The following MTHFD1 variants were observed in gnomAD, a reference collection of about 807,000 sequenced individuals.
MTHFD1 encodes C-1-tetrahydrofolate synthase, cytoplasmic.
In MTHFD1, 44 loss-of-function variants were observed where a neutral mutation model predicts 110.3. The ratio of observed to expected loss-of-function variants is 0.40; its 90% CI spans 0.31 to 0.51. The LOEUF (loss-of-function observed/expected upper bound fraction) is 0.51, where lower values mean the gene tolerates loss of function less well. Among genes scored for constraint, MTHFD1 ranks in the 20% least tolerant of loss-of-function variants. MTHFD1 has a pLI of 0.60. For synonymous variants in MTHFD1, 402 were observed against 428.8 expected (o/e 0.94, Z 0.77); for missense variants, 909 against 1,173.1 (o/e 0.77, Z 3.29).
At chr14:64,395,794 C>T (rs905952715) in intron 1 of MTHFD1, among the ~76,000 whole-genome samples, 2 of 152,150 alleles carry the variant, frequency 1.3e-5, no homozygotes, top group Non-Finnish European at 2.9e-5. Flanking sequence ...AAAGGATGAT[C>T]TGGTCCAAAT....
At chr14:64,390,021 C>T (rs1206792204) in intron 1 of MTHFD1, among the ~76,000 whole-genome samples, 1 of 152,198 alleles carries the variant, frequency 6.6e-6, no homozygotes, top group East Asian at 1.9e-4. Flanking sequence ...TTTATCAACT[C>T]CATAAGGGCA....
Position 64,415,956 on chromosome 14 carries a change from T to A in MTHFD1, c.478+217T>A, listed in dbSNP as rs2078022679. On this transcript the variant is annotated intron_variant, in intron 6 of 27. Coordinates refer to ENST00000652337, the MANE Select transcript of MTHFD1 (RefSeq NM_005956.4). The stretch of plus-strand genomic sequence containing the variant: ...TTGTTCAACTGCTAAGAAAATAGGC[T>A]CAGGCCAGGCACAGCGGCTCATGCC... Among the ~76,000 whole-genome samples, 3 of 152,104 alleles carry A rather than the reference T, an allele frequency of 2.0e-5. No homozygotes were observed. The South Asian group carries it at 6.2e-4, about 32-fold the overall frequency.
intron 15 of MTHFD1, 56 bp from the exon 16 acceptor site, chr14:64,435,513 C>A (rs548366933): frequency 1.6e-6 from 2 of 1,223,306 alleles, no homozygotes; most frequent in East Asian, 2.3e-5. Flanking sequence ...TTTTGTCTTA[C>A]GTTTATTGTG....
chr14:64,418,173 G>T (rs903360026), intron 7 of MTHFD1, 149 bp downstream of exon 7: 3 of 1,033,958 alleles, frequency 2.9e-6, no homozygotes, highest in East Asian at 2.6e-5. Context: ...AAGGCTGAGT[G>T]GGGTGGCTGA....
chr14:64,396,982 G>C (rs1760277854), intron 1 of MTHFD1, among the ~76,000 whole-genome samples: 1 of 144,854 alleles, frequency 6.9e-6, no homozygotes, highest in African/African-American at 2.5e-5. Flanking sequence ...GCGGGCGCCT[G>C]TAGTCCCAGC....
At chr14:64,400,646 C>T in intron 1 of MTHFD1, 147 bp from the exon 2 acceptor site, 1 of 667,922 alleles carries the variant, frequency 1.5e-6, no homozygotes. Flanking sequence ...TTTGATTGTG[C>T]CACTGTACTC....
At position 64,417,121 on chromosome 14, in the gene MTHFD1, G is replaced by A. The variant is rs116880427; in HGVS notation, c.479-767G>A. ...TCTTCTTTGTGGACAGCTCATTTTCGGGCTCCACTTTGTGGCCACAAACAC... is the reference window on the plus strand; with the variant it reads ...TCTTCTTTGTGGACAGCTCATTTTCAGGCTCCACTTTGTGGCCACAAACAC... On this transcript the variant is annotated intron_variant, in intron 6 of 27. Coordinates refer to ENST00000652337, the MANE Select transcript of MTHFD1 (RefSeq NM_005956.4). The surrounding 1 kb of genome is among the most constrained non-coding windows in gnomAD (Gnocchi z 4.4). 1.7e-3 allele frequency among the ~76,000 whole-genome samples: 253 copies of A among 152,120 alleles called. 12 individuals carry two copies. In the East Asian group the frequency reaches 0.034, roughly 20 times the overall value.
Position 64,417,907 on chromosome 14 carries a change from G to C in MTHFD1, c.498G>C (p.Arg166Ser). Residue 166 changes from arginine to serine, a missense_variant, in exon 7 of 28, where the codon AGG becomes AGC. Transcript: ENST00000652337. This position sits in a 1 kb window ranked among gnomAD's most constrained non-coding sequence, Gnocchi z 4.4. ...IKETGVPIAG[R>S]HAVVVGRSKI... Reference sequence around the variant, plus strand: ...TTTCAGGGGTGCCGATTGCCGGAAGGCATGCTGTGGTGGTTGGGCGCAGTA... The same window carrying C: ...TTTCAGGGGTGCCGATTGCCGGAAGCCATGCTGTGGTGGTTGGGCGCAGTA... The C allele has an allele frequency of 6.2e-7, 1 of 1,612,962 alleles. No individual in the cohort carries two copies. Among genetic ancestry groups the C allele is most frequent in the African/African-American group, 1.3e-5 (1 of 74,980 alleles).
Position 64,415,473 on chromosome 14 carries a change from C to T in MTHFD1, c.356C>T (p.Ala119Val). 6.2e-7 allele frequency: 1 copy of T among 1,614,146 alleles called. No individual in the cohort carries two copies. Among genetic ancestry groups the T allele is most frequent in the Non-Finnish European group, 8.5e-7 (1 of 1,179,992 alleles). The stretch of plus-strand genomic sequence containing the variant: ...ACTGAAGAAGTGATCAATGCTATTG[C>T]ACCCGAGAAGGATGTGGATGGGTAA... ...INTEEVINAI[A>V]PEKDVDGLTS... Residue 119 changes from alanine to valine, a missense_variant, in exon 5 of 28, where the codon GCA becomes GTA. By Grantham distance (64) the Ala-to-Val change is moderately conservative. Around this residue, in one of 3 missense-constraint regions of MTHFD1, gnomAD observed 424 missense variants for 510.4 expected, o/e 0.83. Transcript: ENST00000652337.
intron 8 of MTHFD1, among the ~76,000 whole-genome samples, chr14:64,421,773 G>A (rs1002706451): frequency 1.2e-4 from 19 of 152,068 alleles, no homozygotes; most frequent in South Asian, 2.1e-4. Context: ...ACAGGCGCCC[G>A]CCACCACGCC....
At chr14:64,416,748 T>G (rs894454389) in intron 6 of MTHFD1, among the ~76,000 whole-genome samples, 1 of 152,176 alleles carries the variant, frequency 6.6e-6, no homozygotes, top group Non-Finnish European at 1.5e-5. Flanking sequence ...CTTCAGCATA[T>G]TTAGCAAACA....
Position 64,454,808 on chromosome 14 carries a change from T to G in MTHFD1, c.2651T>G (p.Phe884Cys). 2 of 1,614,214 alleles carry G rather than the reference T, an allele frequency of 1.2e-6. No homozygotes were observed. The highest frequency in any genetic ancestry group is 1.7e-6 in the Non-Finnish European group (2 of 1,180,024). Residue 884 changes from phenylalanine (F) to cysteine (C), a missense_variant, in exon 26 of 28, where the codon TTC becomes TGC. Phe to Cys is a radical substitution (Grantham distance 205). This residue lies in a region of MTHFD1 where 482 missense variants were observed against 646.0 expected (regional missense o/e 0.75). Coordinates refer to ENST00000652337, the MANE Select transcript of MTHFD1 (RefSeq NM_005956.4). ...NPEQKGVPTG[F>C]ILPIRDIRAS... The stretch of plus-strand genomic sequence containing the variant: ...GAGCAAAAAGGTGTCCCTACAGGCT[T>G]CATTCTGCCCATTCGCGACATCCGC...
At chr14:64,441,696 C>T (rs1218616434) in intron 19 of MTHFD1, 5 of 555,106 alleles carry the variant, frequency 9.0e-6, no homozygotes, top group Admixed American at 5.6e-5. Context: ...GTCCCAGCTG[C>T]TCGGAAGGTT....
rs1189095379 is a variant in MTHFD1 at position 64,397,104 on chromosome 14, CAAAAAAAAAAAAAAAAAA to C, written c.42-3671_42-3654del. Among the ~76,000 whole-genome samples, 52 of 7,128 alleles carry C rather than the reference CAAAAAAAAAAAAAAAAAA, an allele frequency of 7.3e-3. 4 individuals are homozygous for C. The highest frequency in any genetic ancestry group is 0.05 in the South Asian group (2 of 40). 4.7% of individuals were successfully genotyped at this position (7,128 alleles called of 152,430 possible). ...TGGGAGACGGAGGGAGACTGCGTCT[CAAAAAAAAAAAAAAAAAA>C]AAAAAAAAAAAAAAAAATATATATA... On this transcript the variant is annotated intron_variant, in intron 1 of 27. Coordinates refer to ENST00000652337, the MANE Select transcript of MTHFD1 (RefSeq NM_005956.4).
chr14:64,452,920 T>C (rs1293678755), intron 24 of MTHFD1, among the ~76,000 whole-genome samples: 2 of 151,994 alleles, frequency 1.3e-5, no homozygotes, highest in Admixed American at 6.6e-5. Context: ...AGAGTGTTGC[T>C]ATGTTGCCCA....
intron 1 of MTHFD1, among the ~76,000 whole-genome samples, chr14:64,390,176 G>A (rs1369154426): frequency 6.6e-6 from 1 of 152,130 alleles, no homozygotes; most frequent in Non-Finnish European, 1.5e-5. Flanking sequence ...TAATGTCTAG[G>A]TCATTGGGAT....
intron 7 of MTHFD1, among the ~76,000 whole-genome samples, chr14:64,418,663 T>G (rs2078045439): frequency 6.6e-6 from 1 of 151,872 alleles, no homozygotes; most frequent in Admixed American, 6.6e-5. Context: ...TTCAAGTGAT[T>G]CTCCTGCCTC....
chr14:64,412,398 C>T (rs2077991471), intron 3 of MTHFD1, 74 bp from the exon 4 acceptor site: 1 of 1,097,930 alleles, frequency 9.1e-7, no homozygotes, highest in Non-Finnish European at 1.4e-6. Flanking sequence ...GCTTGTTAGT[C>T]ATGTCTGTAA....
intron 2 of MTHFD1, among the ~76,000 whole-genome samples, chr14:64,406,489 G>GTT (rs1566557191): frequency 6.9e-6 from 1 of 143,924 alleles, no homozygotes. Flanking sequence ...TTTTATTTGT[G>GTT]GTTTTTTTTT....
Sources: gnomAD v4.1 joint callset for allele counts (sites outside exome capture counted in the v4.1 genomes callset) on GRCh38, gnomAD v4.1.1 for gene constraint, gnomAD v4.1.1 regional missense constraint, Gnocchi (gnomAD v3.1) non-coding constraint, MANE v1.5 for transcripts, NCBI Gene and HGNC (gene_info 2026-07-23, HGNC 2026-07-21) for gene names.